The following COL17A1 variants were observed in gnomAD, a reference collection of about 807,000 sequenced individuals.
COL17A1 encodes collagen type XVII alpha 1 chain.
A neutral mutation model predicts 218.4 loss-of-function variants in COL17A1; 181 were observed. That is an observed-to-expected ratio of 0.83 (90% CI 0.73 to 0.94). The LOEUF (loss-of-function observed/expected upper bound fraction) is 0.94. Among genes scored for constraint, COL17A1 ranks in the 40% least tolerant of loss-of-function variants. COL17A1 has a pLI of 0.00. For missense variants in COL17A1, 1,924 were observed against 1,945.9 expected, an observed-to-expected ratio of 0.99 and a Z score of 0.21; for synonymous variants, 721 against 731.0, an observed-to-expected ratio of 0.99 and a Z score of 0.22.
chr10:104,070,585 C>G lies in COL17A1; in HGVS notation c.464-16G>C, dbSNP rs747489915. Reference sequence around the variant, plus strand: ...AATTCTGTCCCTGTGAAAGAATCCACAGACGTTTCTGTTAAGTCCAGAGTT... The same window carrying G: ...AATTCTGTCCCTGTGAAAGAATCCAGAGACGTTTCTGTTAAGTCCAGAGTT... On this transcript the variant is annotated splice_polypyrimidine_tract_variant and intron_variant, in intron 8 of 55. Coordinates refer to ENST00000648076, the MANE Select transcript of COL17A1 (RefSeq NM_000494.4). 6.8e-5 allele frequency: 109 copies of G among 1,614,094 alleles called. No homozygotes were observed. Among genetic ancestry groups the G allele is most frequent in the Non-Finnish European group, 7.3e-5 (86 of 1,180,054 alleles).
At chr10:104,042,860 T>C (rs770111388) in intron 35 of COL17A1, among the ~76,000 whole-genome samples, 4 of 152,228 alleles carry the variant, frequency 2.6e-5, no homozygotes, top group Non-Finnish European at 5.9e-5. Context: ...TTTGGAAAGG[T>C]AGGAAACAAA....
intron 52 of COL17A1, 76 bp downstream of exon 52, chr10:104,033,869 A>G: frequency 6.2e-7 from 1 of 1,603,352 alleles, no homozygotes; most frequent in Admixed American, 1.7e-5. Context: ...TGGGGGTTCC[A>G]CAAACAAGAA....
chr10:104,034,755 G>A lies in COL17A1; in HGVS notation c.3632C>T (p.Ser1211Leu). Reference sequence around the variant, plus strand: ...AGGTCCTGGAGGGCCTGGGATGAATGACAAGCCGGCAGCTGGGCAGAAGGA... The same window carrying A: ...AGGTCCTGGAGGGCCTGGGATGAATAACAAGCCGGCAGCTGGGCAGAAGGA... ...LSSYLHTAGL[S>L]FIPGPPGPPG... Residue 1211 changes from serine to leucine, a missense_variant, in exon 51 of 56, where the codon TCA becomes TTA. Transcript: ENST00000648076. The A allele has an allele frequency of 6.2e-7, 1 of 1,612,540 alleles. No homozygotes were observed. Among genetic ancestry groups the A allele is most frequent in the Non-Finnish European group, 8.5e-7 (1 of 1,179,748 alleles).
At chr10:104,071,920 A>G (rs112912019) in intron 8 of COL17A1, 112 bp downstream of exon 8, 2 of 1,517,334 alleles carry the variant, frequency 1.3e-6, no homozygotes, top group Non-Finnish European at 1.8e-6. Flanking sequence ...ATGCATGTAC[A>G]TACATGTGTG....
chr10:104,056,164 A>C (rs2086523603), intron 17 of COL17A1, among the ~76,000 whole-genome samples, 161 bp from the exon 18 acceptor site: 1 of 152,190 alleles, frequency 6.6e-6, no homozygotes, highest in South Asian at 2.1e-4. Flanking sequence ...CACCAGCAGG[A>C]TTAGCTGCTC....
chr10:104,048,200 C>T (rs764390769), intron 29 of COL17A1, 96 bp from the exon 30 acceptor site: 1 of 1,360,674 alleles, frequency 7.3e-7, no homozygotes, highest in East Asian at 2.3e-5. Context: ...ACATTGTGTC[C>T]CAGGAGCCCA....
At chr10:104,069,043 G>A (rs892441116) in intron 9 of COL17A1, among the ~76,000 whole-genome samples, 2 of 152,120 alleles carry the variant, frequency 1.3e-5, no homozygotes, top group African/African-American at 2.4e-5. Context: ...GGGTGTATAG[G>A]GATCTATACC....
intron 42 of COL17A1, 23 bp downstream of exon 42, chr10:104,039,585 A>G: frequency 1.9e-6 from 3 of 1,614,156 alleles, no homozygotes; most frequent in Non-Finnish European, 2.5e-6. Context: ...CAGAGCCAGA[A>G]TGGGGCGGGG....
intron 20 of COL17A1, among the ~76,000 whole-genome samples, chr10:104,054,544 C>A (rs535792517): frequency 6.6e-6 from 1 of 152,152 alleles, no homozygotes; most frequent in South Asian, 2.1e-4. Context: ...TCGAGGGCCC[C>A]AAAGTGGAGG....
intron 4 of COL17A1, 78 bp downstream of exon 4, chr10:104,077,344 G>C: frequency 9.0e-7 from 1 of 1,111,170 alleles, no homozygotes; most frequent in Non-Finnish European, 1.3e-6. Flanking sequence ...TCTGCCCTGT[G>C]TCCTGTGTAG....
Position 104,064,473 on chromosome 10 carries a change from G to T in COL17A1, c.731C>A (p.Ser244Tyr), listed in dbSNP as rs1339357025. The T allele has an allele frequency of 6.2e-7, 1 of 1,614,188 alleles. No homozygotes were observed. Among genetic ancestry groups the T allele is most frequent in the East Asian group, 2.2e-5 (1 of 44,872 alleles). Residue 244 changes from serine (S) to tyrosine (Y), a missense_variant, in exon 10 of 56, where the codon TCC becomes TAC. Ser to Tyr is a moderately radical substitution (Grantham distance 144, BLOSUM62 -2). Transcript: ENST00000648076. The part of the protein sequence containing the change: ...YHNNMTTQSS[S>Y]LLNTNAYSAG... ...AGAGTAGGCATTGGTGTTGAGGAGG[G>T]ATGAGCTCTGGGTTGTCATGTTGTT...
chr10:104,033,967 C>T lies in COL17A1; in HGVS notation c.4134G>A (p.Val1378=). 1 of 1,614,212 alleles carries T rather than the reference C, an allele frequency of 6.2e-7. No individual in the cohort carries two copies. Among genetic ancestry groups the T allele is most frequent in the Non-Finnish European group, 8.5e-7 (1 of 1,180,030 alleles). ...AGDLDYNELA[V]RVSESMQRQG... ...TACGCTGCATGCTCTCTGACACCCT[C>T]ACAGCCAGCTCATTGTAATCCAGAT... The change falls in exon 52 of 56, where the codon GTG becomes GTA. Residue 1378 remains valine (V), a synonymous_variant. Coordinates refer to ENST00000648076, the MANE Select transcript of COL17A1 (RefSeq NM_000494.4).
chr10:104,063,857 T>C (rs768570429), intron 10 of COL17A1, 39 bp from the exon 11 acceptor site: 9 of 1,613,162 alleles, frequency 5.6e-6, no homozygotes, highest in Non-Finnish European at 7.6e-6. Flanking sequence ...GAGGGACATC[T>C]GGCCCAGATA....
rs2086459623 is a variant in COL17A1, at chr10:104,050,622, T to G, written c.2127A>C (p.Lys709Asn). Residue 709 changes from lysine (K) to asparagine (N), a missense_variant and splice_region_variant, in exon 27 of 56, where the codon AAA becomes AAC. By Grantham distance (94) the Lys-to-Asn change is moderately conservative. Coordinates refer to ENST00000648076, the MANE Select transcript of COL17A1 (RefSeq NM_000494.4). The stretch of plus-strand genomic sequence containing the variant: ...ACAGAGCAGCAGTGAGTGGCATACC[T>G]TTGGGTCCTGGTGGTCCCATTGGTC... ...DKGPMGPPGP[K>N]GDQGEKGPRG... 1 of 1,613,070 alleles carries G rather than the reference T, an allele frequency of 6.2e-7. No homozygotes were observed. Among genetic ancestry groups the G allele is most frequent in the East Asian group, 2.2e-5 (1 of 44,886 alleles).
chr10:104,032,411 T>C, intron 55 of COL17A1, 121 bp from the exon 56 acceptor site: 1 of 896,838 alleles, frequency 1.1e-6, no homozygotes, highest in South Asian at 1.4e-5. Flanking sequence ...AAATCTTTTG[T>C]AAGACTACAT....
In COL17A1 at chr10:104,060,280, G is replaced by T. The variant is rs1393321754; in HGVS notation, c.980C>A (p.Ala327Asp). 1 of 1,614,116 alleles carries T rather than the reference G, an allele frequency of 6.2e-7. No individual in the cohort carries two copies. The highest frequency in any genetic ancestry group is 8.5e-7 in the Non-Finnish European group (1 of 1,180,024). ...ATCGCTCTGCACACTTGTGGTGCAGGCTGGGGAGAAAGAAAATGGGTAAGA... is the reference window on the plus strand; with the variant it reads ...ATCGCTCTGCACACTTGTGGTGCAGTCTGGGGAGAAAGAAAATGGGTAAGA... Reference protein sequence around the residue: ...AVNTGVSTSAACTTSVQSDDL... With the variant: ...AVNTGVSTSADCTTSVQSDDL... Residue 327 changes from alanine to aspartate, a missense_variant and splice_region_variant, in exon 14 of 56, where the codon GCC (alanine) becomes GAC (aspartate). Ala to Asp is a moderately radical substitution (Grantham distance 126). Coordinates refer to ENST00000648076, the MANE Select transcript of COL17A1 (RefSeq NM_000494.4).
At chr10:104,064,959 G>A (rs2086614676) in intron 9 of COL17A1, among the ~76,000 whole-genome samples, 1 of 152,156 alleles carries the variant, frequency 6.6e-6, no homozygotes, top group South Asian at 2.1e-4. Context: ...AGACGCTGAG[G>A]GAACAGTTCT....
In COL17A1 at chr10:104,049,419, T is replaced by C; in HGVS notation, c.2217A>G (p.Lys739=). 4 of 1,614,192 alleles carry C rather than the reference T, an allele frequency of 2.5e-6. No homozygotes were observed. Among genetic ancestry groups the C allele is most frequent in the Non-Finnish European group, 3.4e-6 (4 of 1,180,004 alleles). The part of the protein sequence containing the change: ...LPGAVGEPGA[K]GAMGPAGPDG... ...CTTTGGAACACTTACCCATTGCTCC[T>C]TTAGCCCCGGGCTCACCAACAGCAC... is the stretch of plus-strand genomic sequence containing the variant. The change falls in exon 29 of 56, where the codon AAA becomes AAG. Residue 739 remains lysine (K), a synonymous_variant. Coordinates refer to ENST00000648076, the MANE Select transcript of COL17A1 (RefSeq NM_000494.4).
Position 104,050,675 on chromosome 10 carries a change from C to G in COL17A1, c.2093-19G>C, listed in dbSNP as rs1398113483. ...TTGTCACCTAAAAAGGAAATGGACACCTTGGTGTAAAATGCCCTACAAGGG... is the reference window on the plus strand; with the variant it reads ...TTGTCACCTAAAAAGGAAATGGACAGCTTGGTGTAAAATGCCCTACAAGGG... On this transcript the variant is annotated intron_variant, in intron 26 of 55. Coordinates refer to ENST00000648076, the MANE Select transcript of COL17A1 (RefSeq NM_000494.4). The G allele has an allele frequency of 6.2e-7, 1 of 1,614,048 alleles. No homozygotes were observed. The highest frequency in any genetic ancestry group is 1.1e-5 in the South Asian group (1 of 91,060).
Sources: allele counts gnomAD v4.1 joint callset (sites outside exome capture counted in the v4.1 genomes callset), GRCh38; gene constraint gnomAD v4.1.1; transcripts MANE v1.5; gene names NCBI Gene and HGNC (gene_info 2026-07-23, HGNC 2026-07-21).